The following EPRS1 variants were observed in gnomAD, a reference collection of about 807,000 sequenced individuals.
EPRS1 encodes bifunctional glutamate/proline--tRNA ligase.
EPRS1 carries 107 observed loss-of-function variants against 188.3 expected under a neutral mutation model. The observed-to-expected ratio is 0.57, with a 90% CI of 0.49 to 0.67. The LOEUF (loss-of-function observed/expected upper bound fraction) is 0.67. EPRS1 is among the 30% of genes least tolerant of loss of function. The pLI, the probability that EPRS1 is intolerant of heterozygous loss-of-function variation, is 0.00. For synonymous variants in EPRS1, 596 were observed against 593.1 expected, an observed-to-expected ratio of 1.00 and a Z score of -0.07; for missense variants, 1,577 against 1,802.2, an observed-to-expected ratio of 0.88 and a Z score of 2.26.
chr1:219,997,196 A>T lies in EPRS1; in HGVS notation c.2328T>A (p.Asp776Glu), dbSNP rs776732656. 8.1e-6 allele frequency: 13 copies of T among 1,614,040 alleles called. No homozygotes were observed. Among genetic ancestry groups the T allele is most frequent in the Non-Finnish European group, 1.1e-5 (13 of 1,179,966 alleles). ...AAAGCTGTTTTACAGCTGCATCTAC[A>T]TCTTCCTTTGGTGCTTTCTTGGCTT... ...ELKAKKAPKE[D>E]VDAAVKQLLS... Residue 776 changes from aspartate (D) to glutamate (E), a missense_variant, in exon 18 of 32, where the codon GAT becomes GAA. Around this residue, in one of 3 missense-constraint regions of EPRS1, gnomAD observed 1,278 missense variants for 1,457.4 expected, o/e 0.88. Transcript: ENST00000366923.
At chr1:219,987,005 G>T in intron 20 of EPRS1, 137 bp downstream of exon 20, 1 of 872,138 alleles carries the variant, frequency 1.1e-6, no homozygotes. Context: ...ATCAATAAAT[G>T]CTATCTGCTG....
intron 1 of EPRS1, among the ~76,000 whole-genome samples, chr1:220,043,985 T>G (rs1026400325): frequency 5.9e-5 from 9 of 152,180 alleles, no homozygotes; most frequent in Non-Finnish European, 1.2e-4. Context: ...GTGTATTTCC[T>G]GATTTGGGTG....
At position 219,968,906 on chromosome 1, in the gene EPRS1, C is replaced by G; in HGVS notation, c.4439G>C (p.Cys1480Ser). The G allele has an allele frequency of 6.2e-7, 1 of 1,614,038 alleles. No homozygotes were observed. Among genetic ancestry groups the G allele is most frequent in the Non-Finnish European group, 8.5e-7 (1 of 1,179,918 alleles). ...TTCACAGAGTGGTTTGAAGGGGATG[C>G]AAAGGCTTTTAGCTCCCATGGATGG... ...GAPSMGAKSLCIPFKPLCELQ... is the reference protein window; with the variant it reads ...GAPSMGAKSLSIPFKPLCELQ... The change falls in exon 32 of 32, where the codon TGC (cysteine) becomes TCC (serine). Residue 1480 changes from cysteine to serine, a missense_variant. Coordinates refer to ENST00000366923, the MANE Select transcript of EPRS1 (RefSeq NM_004446.3).
intron 28 of EPRS1, among the ~76,000 whole-genome samples, chr1:219,974,911 T>C (rs7535650): frequency 0.46 from 70,012 of 151,932 alleles, 16,240 homozygotes; most frequent in South Asian, 0.52. Flanking sequence ...TACAGAAAGT[T>C]AGCAGTGAGA....
At chr1:220,024,716 C>T (rs371490765) in intron 7 of EPRS1, among the ~76,000 whole-genome samples, 1 of 152,188 alleles carries the variant, frequency 6.6e-6, no homozygotes, top group Non-Finnish European at 1.5e-5. Flanking sequence ...CTGGTCATTA[C>T]TGGGAGAACT....
At chr1:220,010,294 G>C (rs1251526265) in intron 13 of EPRS1, among the ~76,000 whole-genome samples, 1 of 151,980 alleles carries the variant, frequency 6.6e-6, no homozygotes, top group Non-Finnish European at 1.5e-5. Context: ...TCCATATAAA[G>C]ATAGGAGCTT....
intron 1 of EPRS1, among the ~76,000 whole-genome samples, chr1:220,043,213 CTTGTCACAT>C (rs1163288387): frequency 3.3e-5 from 5 of 151,648 alleles, no homozygotes; most frequent in African/African-American, 9.7e-5. Context: ...AGATTACACA[CTTGTCACAT>C]TTGTCACATT....
At chr1:220,000,629 T>G (rs1279131335) in intron 17 of EPRS1, among the ~76,000 whole-genome samples, 1 of 152,222 alleles carries the variant, frequency 6.6e-6, no homozygotes, top group Non-Finnish European at 1.5e-5. Context: ...AACTTCTCAA[T>G]TTTTAGTATG....
In EPRS1 at chr1:220,008,797, C is replaced by T. The variant is rs552128390; in HGVS notation, c.1606-1459G>A. ...CCTTGAACTCCTGAGCTCAAGTGAT[C>T]CACCTACCTCTGAGATTATAAGCAT... On this transcript the variant is annotated intron_variant, in intron 13 of 31. Coordinates refer to ENST00000366923, the MANE Select transcript of EPRS1 (RefSeq NM_004446.3). 3.3e-5 allele frequency among the ~76,000 whole-genome samples: 5 copies of T among 152,208 alleles called. No individual in the cohort carries two copies. In the East Asian group the frequency reaches 9.7e-4, roughly 29 times the overall value.
intron 17 of EPRS1, among the ~76,000 whole-genome samples, chr1:219,998,734 G>A (rs1350031825): frequency 6.6e-6 from 1 of 151,426 alleles, no homozygotes; most frequent in African/African-American, 2.4e-5. Context: ...GTACAGACAG[G>A]GTTTCACCAT....
intron 9 of EPRS1, among the ~76,000 whole-genome samples, chr1:220,021,960 T>A (rs1045371411): frequency 3.3e-5 from 5 of 152,208 alleles, no homozygotes; most frequent in African/African-American, 1.2e-4. Context: ...TCCTGTATTG[T>A]TCATATTTCT....
chr1:219,976,142 C>T (rs746738924), intron 28 of EPRS1, among the ~76,000 whole-genome samples: 8 of 152,168 alleles, frequency 5.3e-5, no homozygotes, highest in Non-Finnish European at 8.8e-5. Context: ...GCCGAAGACA[C>T]TTTGAGCATC....
At chr1:220,007,697 T>C (rs1020230214) in intron 13 of EPRS1, among the ~76,000 whole-genome samples, 1 of 152,178 alleles carries the variant, frequency 6.6e-6, no homozygotes, top group Non-Finnish European at 1.5e-5. Flanking sequence ...ACAAGACTCA[T>C]TGATTTCACA....
Position 219,987,258 on chromosome 1 carries a change from C to G in EPRS1, c.2922G>C (p.Lys974Asn). 1 of 1,614,042 alleles carries G rather than the reference C, an allele frequency of 6.2e-7. No individual in the cohort carries two copies. ...CATTTTGTTTCTGAGGCTTATTCTG[C>G]TTTTCAGATTTATTTTCTTTTTCTT... ...KKKEKENKSEKQNKPQKQNDG... is the reference protein window; with the variant it reads ...KKKEKENKSENQNKPQKQNDG... The change falls in exon 20 of 32, where the codon AAG (lysine) becomes AAC (asparagine). Residue 974 changes from lysine (K) to asparagine (N), a missense_variant. Around this residue, in one of 3 missense-constraint regions of EPRS1, gnomAD observed 1,278 missense variants for 1,457.4 expected, o/e 0.88. Transcript: ENST00000366923.
intron 2 of EPRS1, 137 bp from the exon 3 acceptor site, chr1:220,035,150 T>C (rs2647454): frequency 0.83 from 460,253 of 552,636 alleles, 192,687 homozygotes; most frequent in African/African-American, 0.95. Flanking sequence ...AATAGATCTG[T>C]TAATTGTTTG....
chr1:219,991,348 A>G (rs1661118699), intron 18 of EPRS1, among the ~76,000 whole-genome samples: 1 of 152,046 alleles, frequency 6.6e-6, no homozygotes, highest in Admixed American at 6.6e-5. Flanking sequence ...CTTTTTTCAA[A>G]CTTGTTTTTT....
intron 26 of EPRS1, 58 bp downstream of exon 26, chr1:219,980,027 G>C: frequency 1.4e-6 from 2 of 1,403,798 alleles, no homozygotes; most frequent in Non-Finnish European, 2.0e-6. Context: ...GAAATTATTG[G>C]ATCTGTCCAT....
chr1:220,035,496 A>G (rs999518206), intron 2 of EPRS1, among the ~76,000 whole-genome samples: 1 of 152,174 alleles, frequency 6.6e-6, no homozygotes, highest in African/African-American at 2.4e-5. Flanking sequence ...GCAAATATGA[A>G]AATATAACTG....
chr1:219,979,668 T>A, intron 26 of EPRS1, 53 bp from the exon 27 acceptor site: 1 of 1,224,684 alleles, frequency 8.2e-7, no homozygotes, highest in Non-Finnish European at 1.2e-6. Context: ...ATTATGCCCT[T>A]GAAAATGATT....
Sources: gnomAD v4.1 joint callset for allele counts (sites outside exome capture counted in the v4.1 genomes callset) on GRCh38, gnomAD v4.1.1 for gene constraint, gnomAD v4.1.1 regional missense constraint, MANE v1.5 for transcripts, NCBI Gene and HGNC (gene_info 2026-07-23, HGNC 2026-07-21) for gene names.